HDLBP: variants seen among roughly 807,000 people sequenced by gnomAD.
HDLBP encodes the protein vigilin.
In HDLBP, 30 loss-of-function variants were observed where a neutral mutation model predicts 137.3. The observed-to-expected ratio is 0.22, with a 90% confidence interval of 0.16 to 0.30. The LOEUF (loss-of-function observed/expected upper bound fraction) is 0.30. HDLBP is among the 10% of genes least tolerant of loss of function. The pLI is 1.00. For missense variants in HDLBP, 1,119 were observed against 1,667.3 expected (o/e 0.67, Z 5.73); for synonymous variants, 606 against 596.0 (o/e 1.02, Z -0.24).
chr2:241,289,597 G>C (rs1270484146), intron 1 of HDLBP, among the ~76,000 whole-genome samples: 1 of 152,162 alleles, frequency 6.6e-6, no homozygotes, highest in African/African-American at 2.4e-5. Context: ...TCTATAAAGA[G>C]AGAAAACTGG....
intron 1 of HDLBP, among the ~76,000 whole-genome samples, chr2:241,294,368 T>C (rs953601935): frequency 6.6e-6 from 1 of 152,140 alleles, no homozygotes; most frequent in Non-Finnish European, 1.5e-5. Context: ...CAAAGGAAAA[T>C]CGGCATTGTT....
At chr2:241,270,800 G>A (rs2073984700) in intron 1 of HDLBP, among the ~76,000 whole-genome samples, 1 of 152,200 alleles carries the variant, frequency 6.6e-6, no homozygotes, top group Non-Finnish European at 1.5e-5. Flanking sequence ...CCCCAGGACA[G>A]CGCCAGGCAA....
At chr2:241,295,992 C>T (rs995192968) in intron 1 of HDLBP, among the ~76,000 whole-genome samples, 6 of 151,504 alleles carry the variant, frequency 4.0e-5, no homozygotes, top group East Asian at 3.9e-4. Context: ...TAATTTGTTA[C>T]GGCAGCCCTG....
chr2:241,235,845 C>CCT (rs2070344413), intron 21 of HDLBP, among the ~76,000 whole-genome samples: 1 of 152,200 alleles, frequency 6.6e-6, no homozygotes, highest in Admixed American at 6.5e-5. Context: ...TACAGCAGCC[C>CCT]CTTCAGGCCC....
At chr2:241,242,140 G>A (rs975413669) in intron 17 of HDLBP, among the ~76,000 whole-genome samples, 1 of 152,182 alleles carries the variant, frequency 6.6e-6, no homozygotes, top group Non-Finnish European at 1.5e-5. Flanking sequence ...GATGATTGTG[G>A]TCACATGACT....
chr2:241,263,343 G>A (rs375204299), intron 4 of HDLBP, among the ~76,000 whole-genome samples: 2 of 152,218 alleles, frequency 1.3e-5, no homozygotes, highest in East Asian at 1.9e-4. Flanking sequence ...GGAGCCTGGT[G>A]CACACACCAG....
intron 5 of HDLBP, among the ~76,000 whole-genome samples, chr2:241,258,566 G>A (rs1228987295): frequency 2.6e-5 from 4 of 151,954 alleles, no homozygotes; most frequent in Admixed American, 1.3e-4. Context: ...AAAGCCGTAT[G>A]GAAAAAAGTG....
At chr2:241,290,786 A>C (rs1270746484) in intron 1 of HDLBP, among the ~76,000 whole-genome samples, 3 of 152,226 alleles carry the variant, frequency 2.0e-5, no homozygotes, top group Non-Finnish European at 4.4e-5. Context: ...ATGGAAACAA[A>C]TGTATCTAAC....
At chr2:241,295,788 C>A (rs763356551) in intron 1 of HDLBP, among the ~76,000 whole-genome samples, 21 of 152,068 alleles carry the variant, frequency 1.4e-4, no homozygotes, top group African/African-American at 5.1e-4. Flanking sequence ...GAGAAAGCCA[C>A]GTGAAGAGGG....
chr2:241,246,652 C>T (rs758496682), intron 16 of HDLBP, 100 bp downstream of exon 16: 19 of 1,170,998 alleles, frequency 1.6e-5, no homozygotes, highest in Middle Eastern at 2.8e-4. Flanking sequence ...CATCAGCCTG[C>T]GCTGGCCCAA....
intron 16 of HDLBP, among the ~76,000 whole-genome samples, chr2:241,246,342 G>A (rs1331023609): frequency 6.6e-6 from 1 of 152,146 alleles, no homozygotes; most frequent in Admixed American, 6.5e-5. Context: ...AATGGCATGG[G>A]ACATTTTTGG....
intron 8 of HDLBP, 71 bp downstream of exon 8, chr2:241,255,303 C>A: frequency 6.8e-7 from 1 of 1,469,684 alleles, no homozygotes; most frequent in South Asian, 1.1e-5. Context: ...ATTTACAAAT[C>A]GAGAGCTCAT....
rs2074207339 is a variant in HDLBP at position 241,272,767 on chromosome 2, G to GCC, written c.-102-4228_-102-4227dup. 1 of 307,718 alleles carries GCC rather than the reference G, an allele frequency of 3.2e-6. No homozygotes were observed. Among genetic ancestry groups the GCC allele is most frequent in the Non-Finnish European group, 4.7e-6 (1 of 213,360 alleles). The allele number at this position is 307,718 out of a possible 1,614,324, so 19.1% of individuals were successfully genotyped here. ...CCCCGTGTTGCGCGCTCACTCGTGG[G>GCC]CCCCCGCCCGCTGGTCCTGCCGCTG... On this transcript the variant is annotated intron_variant, in intron 1 of 27. Transcript: ENST00000310931. This position sits in a 1 kb window ranked among gnomAD's most constrained non-coding sequence, Gnocchi z 5.6.
intron 1 of HDLBP, among the ~76,000 whole-genome samples, chr2:241,295,660 ATTTG>A (rs1438669623): frequency 2.0e-5 from 3 of 152,184 alleles, no homozygotes; most frequent in Non-Finnish European, 2.9e-5. Flanking sequence ...AATCCCTGAA[ATTTG>A]TTTTACTTTT....
At chr2:241,232,180 A>G (rs1420088244) in intron 24 of HDLBP, among the ~76,000 whole-genome samples, 2 of 152,196 alleles carry the variant, frequency 1.3e-5, no homozygotes, top group East Asian at 1.9e-4. Context: ...TCGGAAGCAC[A>G]GCTCACAGGA....
intron 11 of HDLBP, 78 bp from the exon 12 acceptor site, chr2:241,250,058 G>C: frequency 7.3e-7 from 1 of 1,366,042 alleles, no homozygotes; most frequent in South Asian, 1.4e-5. Flanking sequence ...GCAGGACAGC[G>C]CTAAAGCGCT....
intron 3 of HDLBP, 59 bp downstream of exon 3, chr2:241,266,735 G>T: frequency 1.8e-6 from 2 of 1,123,756 alleles, no homozygotes; most frequent in Non-Finnish European, 2.7e-6. Context: ...TTTGGTAAAG[G>T]CTTTAGAGGG....
chr2:241,243,016 C>T (rs539558373), intron 16 of HDLBP, among the ~76,000 whole-genome samples: 4 of 152,300 alleles, frequency 2.6e-5, no homozygotes, highest in South Asian at 4.2e-4. Context: ...CTTCAGTCAA[C>T]GCTCCGGCTC....
chr2:241,242,396 A>T (rs535090573), intron 17 of HDLBP, 64 bp downstream of exon 17: 1 of 1,376,524 alleles, frequency 7.3e-7, no homozygotes, highest in East Asian at 2.3e-5. Flanking sequence ...CACAGTGAGA[A>T]GCGAGAACAC....
Sources: gnomAD v4.1 joint callset for allele counts (sites outside exome capture counted in the v4.1 genomes callset) on GRCh38, gnomAD v4.1.1 for gene constraint, Gnocchi (gnomAD v3.1) non-coding constraint, MANE v1.5 for transcripts, NCBI Gene and HGNC (gene_info 2026-07-23, HGNC 2026-07-21) for gene names.